The following SGCD variants were observed in gnomAD, a reference collection of about 807,000 sequenced individuals.
SGCD encodes sarcoglycan delta, also known as delta-sarcoglycan.
SGCD carries 18 observed loss-of-function variants against 36.6 expected under a neutral mutation model. The observed-to-expected ratio is 0.49, with a 90% confidence interval of 0.34 to 0.73. The LOEUF is 0.73. Ranked by LOEUF, SGCD falls within the 30% of genes least tolerant of loss-of-function variation. The pLI is 0.01. For missense variants in SGCD, 387 were observed against 346.7 expected (o/e 1.12, Z -0.92); for synonymous variants, 133 against 130.6 (o/e 1.02, Z -0.12).
intron 1 of SGCD, among the ~76,000 whole-genome samples, chr5:155,910,297 T>C (rs1256684549): frequency 6.6e-6 from 1 of 152,100 alleles, no homozygotes; most frequent in Admixed American, 6.6e-5. Flanking sequence ...AGTTTGAAAA[T>C]CAGCTATTGA....
At chr5:156,409,113 T>G (rs1772598977) in intron 3 of SGCD, among the ~76,000 whole-genome samples, 1 of 152,240 alleles carries the variant, frequency 6.6e-6, no homozygotes, top group Admixed American at 6.5e-5. Flanking sequence ...ACTCTGCATC[T>G]TAAGCCATAC....
At chr5:156,498,480 A>G (rs1756300133) in intron 3 of SGCD, among the ~76,000 whole-genome samples, 1 of 152,144 alleles carries the variant, frequency 6.6e-6, no homozygotes, top group Non-Finnish European at 1.5e-5. Context: ...CTGTCTCTAT[A>G]GATTTTCATT....
intron 2 of SGCD, among the ~76,000 whole-genome samples, chr5:156,342,370 A>T (rs1344862625): frequency 6.6e-6 from 1 of 152,180 alleles, no homozygotes; most frequent in Non-Finnish European, 1.5e-5. Flanking sequence ...ACCCTGCCAC[A>T]AATCCTTTAG....
chr5:156,229,829 A>G (rs1015545966), intron 3 of SGCD, among the ~76,000 whole-genome samples: 2 of 152,092 alleles, frequency 1.3e-5, no homozygotes, highest in Non-Finnish European at 2.9e-5. Context: ...ACATAATCTC[A>G]GACTTCTTGG....
At chr5:156,046,060 A>G (rs931266900) in intron 1 of SGCD, among the ~76,000 whole-genome samples, 7 of 152,230 alleles carry the variant, frequency 4.6e-5, no homozygotes, top group South Asian at 4.1e-4. Context: ...TGTAAAAGAC[A>G]TTTTATTATA....
chr5:156,635,999 C>T (rs762257571), intron 6 of SGCD, among the ~76,000 whole-genome samples: 1 of 151,768 alleles, frequency 6.6e-6, no homozygotes, highest in East Asian at 1.9e-4. Flanking sequence ...ACAAACCTGC[C>T]GGTTGTGCAC....
chr5:156,610,900 A>G (rs1174120372), intron 6 of SGCD, among the ~76,000 whole-genome samples: 1 of 152,238 alleles, frequency 6.6e-6, no homozygotes, highest in Non-Finnish European at 1.5e-5. Flanking sequence ...AAAGCGCAGT[A>G]TTAGGGTGAG....
chr5:156,181,620 G>A (rs1420574558), intron 3 of SGCD, among the ~76,000 whole-genome samples: 3 of 152,162 alleles, frequency 2.0e-5, no homozygotes, highest in Admixed American at 1.3e-4. Flanking sequence ...CTAGGTATGG[G>A]GCAGTAGGGC....
chr5:156,476,641 G>C (rs930461640), intron 3 of SGCD, among the ~76,000 whole-genome samples: 2 of 152,304 alleles, frequency 1.3e-5, no homozygotes, highest in South Asian at 4.1e-4. Flanking sequence ...ATAGTATAAT[G>C]CTTCCGTAGC....
intron 3 of SGCD, among the ~76,000 whole-genome samples, chr5:156,469,077 C>T (rs956071727): frequency 5.3e-5 from 8 of 152,154 alleles, no homozygotes; most frequent in African/African-American, 1.9e-4. Context: ...ATATTATTTA[C>T]GTCTTTCTCC....
chr5:156,054,729 C>T (rs1425682799), intron 1 of SGCD, among the ~76,000 whole-genome samples: 1 of 146,794 alleles, frequency 6.8e-6, no homozygotes, highest in Non-Finnish European at 1.5e-5. Context: ...CATTTCTTTT[C>T]TCTTTCCTAA....
At chr5:155,945,913 G>A (rs1015053662) in intron 1 of SGCD, among the ~76,000 whole-genome samples, 1 of 152,166 alleles carries the variant, frequency 6.6e-6, no homozygotes, top group Non-Finnish European at 1.5e-5. Flanking sequence ...TGGATGTGAG[G>A]GAACCAGTTC....
chr5:156,492,195 T>C (rs1378467192), intron 3 of SGCD, among the ~76,000 whole-genome samples: 1 of 152,176 alleles, frequency 6.6e-6, no homozygotes, highest in African/African-American at 2.4e-5. Flanking sequence ...TTGATAAACA[T>C]CTCTTTCTAG....
chr5:156,513,912 T>C (rs1460641006), intron 4 of SGCD, among the ~76,000 whole-genome samples: 1 of 152,212 alleles, frequency 6.6e-6, no homozygotes, highest in Non-Finnish European at 1.5e-5. Flanking sequence ...TTGAGAAGGA[T>C]ACATGCTAAA....
Position 156,416,007 on chromosome 5 carries a change from G to A in SGCD, c.192+71330G>A, listed in dbSNP as rs531233650. 1.3e-3 allele frequency among the ~76,000 whole-genome samples: 193 copies of A among 152,230 alleles called. 1 individual carries two copies. In the Middle Eastern group the frequency reaches 0.038, roughly 30 times the overall value. ...TTAATTCAACCACTTTTCTCTTAGA[G>A]CAATTACAGTTATTCCACTGTCTTT... On this transcript the variant is annotated intron_variant, in intron 3 of 8. Transcript: ENST00000337851.
At chr5:156,050,264 C>A (rs1446469844) in intron 1 of SGCD, among the ~76,000 whole-genome samples, 1 of 146,514 alleles carries the variant, frequency 6.8e-6, no homozygotes, top group Admixed American at 6.8e-5. Context: ...GCAACCATCA[C>A]CCTGATCAGT....
chr5:156,514,164 TA>T (rs1757059186), intron 4 of SGCD, among the ~76,000 whole-genome samples: 1 of 152,210 alleles, frequency 6.6e-6, no homozygotes, highest in Non-Finnish European at 1.5e-5. Flanking sequence ...ACTTTGTGAG[TA>T]AAGGTCTCCT....
intron 1 of SGCD, among the ~76,000 whole-genome samples, chr5:156,085,355 G>A (rs529190932): frequency 1.1e-4 from 17 of 152,190 alleles, no homozygotes; most frequent in South Asian, 4.1e-4. Context: ...TGCTGTCCTC[G>A]TGATAGTGAG....
chr5:156,052,427 G>A (rs1040360192), intron 1 of SGCD, among the ~76,000 whole-genome samples: 1 of 146,466 alleles, frequency 6.8e-6, no homozygotes, highest in East Asian at 1.9e-4. Flanking sequence ...CATGCTAAGT[G>A]TGATGAAAGG....
Sources: gnomAD v4.1 joint callset for allele counts (sites outside exome capture counted in the v4.1 genomes callset) on GRCh38, gnomAD v4.1.1 for gene constraint, MANE v1.5 for transcripts, NCBI Gene and HGNC (gene_info 2026-07-23, HGNC 2026-07-21) for gene names.